The following ATP9B variants were observed in gnomAD, a reference collection of about 807,000 sequenced individuals.
ATP9B encodes the protein probable phospholipid-transporting ATPase IIB.
Under a neutral mutation model 146.1 loss-of-function variants are expected in ATP9B, and 110 were observed. That is an observed-to-expected ratio of 0.75 (90% CI 0.65 to 0.88). The LOEUF (loss-of-function observed/expected upper bound fraction) is 0.88, where lower values mean the gene tolerates loss of function less well. ATP9B is among the 40% of genes least tolerant of loss of function. The probability of loss-of-function intolerance (pLI) is 0.00; values close to 1 mark genes in which losing one functional copy is unlikely to be tolerated. For missense variants in ATP9B, 1,499 were observed against 1,496.4 expected, an observed-to-expected ratio of 1.00 and a Z score of -0.03; for synonymous variants, 604 against 569.7, an observed-to-expected ratio of 1.06 and a Z score of -0.86.
intron 15 of ATP9B, 173 bp downstream of exon 15, chr18:79,307,407 A>C (rs1269131711): frequency 1.0e-6 from 1 of 974,344 alleles, no homozygotes; most frequent in African/African-American, 1.6e-5. Context: ...GTAGCCTCTG[A>C]CGTAGCCTGG....
At chr18:79,273,968 G>A (rs941165950) in intron 12 of ATP9B, among the ~76,000 whole-genome samples, 2 of 152,066 alleles carry the variant, frequency 1.3e-5, no homozygotes, top group Non-Finnish European at 2.9e-5. Context: ...TTTTCATATT[G>A]CATAAAAGTC....
chr18:79,276,642 C>CT lies in ATP9B; in HGVS notation c.1269-411dup, dbSNP rs1377509596. Among the ~76,000 whole-genome samples the CT allele has an allele frequency of 5.3e-5, 8 of 152,356 alleles. No individual in the cohort carries two copies. The East Asian group carries it at 1.5e-3, about 29-fold the overall frequency. On this transcript the variant is annotated intron_variant, in intron 12 of 29. Coordinates refer to ENST00000426216, the MANE Select transcript of ATP9B (RefSeq NM_198531.5). ...CATATACGGGCACACTCACAACAGT[C>CT]TGTTTTTCTGTCCCATCTGGTGTTA...
At chr18:79,264,099 G>GA (rs899117905) in intron 12 of ATP9B, among the ~76,000 whole-genome samples, 13 of 149,974 alleles carry the variant, frequency 8.7e-5, no homozygotes, top group South Asian at 6.4e-4. Context: ...AAAAGAAAAG[G>GA]AAAAAAAAAC....
intron 23 of ATP9B, 133 bp from the exon 24 acceptor site, chr18:79,347,637 G>T: frequency 1.8e-6 from 2 of 1,112,350 alleles, no homozygotes; most frequent in Non-Finnish European, 2.5e-6. Flanking sequence ...CATCGACGGA[G>T]CTGAAGCTTT....
At chr18:79,135,607 C>T (rs2094438526) in intron 5 of ATP9B, among the ~76,000 whole-genome samples, 1 of 152,164 alleles carries the variant, frequency 6.6e-6, no homozygotes, top group Non-Finnish European at 1.5e-5. Context: ...ATTGACTTTG[C>T]ATCCTTTCTA....
intron 8 of ATP9B, among the ~76,000 whole-genome samples, chr18:79,180,999 CG>C (rs1353729934): frequency 1.3e-5 from 2 of 149,836 alleles, no homozygotes; most frequent in African/African-American, 2.5e-5. Context: ...TAAGTGGAGA[CG>C]GGGTTTCACC....
rs1568876164 is a variant in ATP9B, at chr18:79,376,209, ACACAC to A, written c.3307+784_3307+788del. The A allele has an allele frequency of 1.2e-3, 1,178 of 957,498 alleles. 1 individual carries two copies. Among genetic ancestry groups the A allele is most frequent in the Non-Finnish European group, 1.4e-3 (1,131 of 810,600 alleles). 59.3% of individuals were successfully genotyped at this position (957,498 alleles called of 1,614,324 possible). On this transcript the variant is annotated intron_variant, in intron 29 of 29. Transcript: ENST00000426216. ...CACACACACACACACACACACACAC[ACACAC>A]AAAACAAAACAAAAAAATGGCTAGC...
Position 79,198,129 on chromosome 18 carries a change from A to T in ATP9B, c.954+4866A>T, listed in dbSNP as rs558535534. Among the ~76,000 whole-genome samples the T allele has an allele frequency of 6.1e-4, 93 of 152,156 alleles. 1 individual carries two copies. The highest frequency in any genetic ancestry group is 1.2e-3 in the Non-Finnish European group (82 of 68,030). On this transcript the variant is annotated intron_variant, in intron 9 of 29. Transcript: ENST00000426216. Reference sequence around the variant, plus strand: ...TGTATATTCACTAATTACAATATGGAATTAGAAATAAATAAAAAATCTTTA... The same window carrying T: ...TGTATATTCACTAATTACAATATGGTATTAGAAATAAATAAAAAATCTTTA...
At chr18:79,302,744 C>T (rs1364668517) in intron 13 of ATP9B, among the ~76,000 whole-genome samples, 1 of 152,144 alleles carries the variant, frequency 6.6e-6, no homozygotes, top group African/African-American at 2.4e-5. Flanking sequence ...AAAAGCCATC[C>T]TATCTTTCAC....
intron 13 of ATP9B, among the ~76,000 whole-genome samples, chr18:79,297,482 T>C (rs952879399): frequency 6.6e-6 from 1 of 152,230 alleles, no homozygotes; most frequent in African/African-American, 2.4e-5. Flanking sequence ...ACTCAGTAAA[T>C]ATTAAATACA....
chr18:79,373,018 A>C lies in ATP9B; in HGVS notation c.3070+136A>C, dbSNP rs2097081504. The C allele has an allele frequency of 1.4e-5, 8 of 581,410 alleles. No homozygotes were observed. In the East Asian group the frequency reaches 2.1e-4, roughly 15 times the overall value. 36.0% of individuals were successfully genotyped at this position (581,410 alleles called of 1,614,324 possible). A position where few individuals can be genotyped will look rare whatever the true frequency, so the allele number is the denominator to read the frequency against. The stretch of plus-strand genomic sequence containing the variant: ...AGCAGTTAAATACTCCCTTCTGTTT[A>C]TCTTGTAAATCAATATTCCAGCAAC... On this transcript the variant is annotated intron_variant, in intron 27 of 29. Transcript: ENST00000426216.
intron 17 of ATP9B, among the ~76,000 whole-genome samples, chr18:79,336,407 G>A (rs982435898): frequency 6.6e-6 from 1 of 152,246 alleles, no homozygotes; most frequent in Non-Finnish European, 1.5e-5. Flanking sequence ...TCGAGTGAAG[G>A]GGTCAGTAGG....
intron 15 of ATP9B, among the ~76,000 whole-genome samples, chr18:79,311,151 CA>C (rs1036256861): frequency 3.3e-4 from 49 of 147,080 alleles, no homozygotes; most frequent in Admixed American, 8.1e-4. Flanking sequence ...GACTCAGTCT[CA>C]AAAAAAAGAA....
intron 9 of ATP9B, among the ~76,000 whole-genome samples, chr18:79,199,862 C>G (rs1033279040): frequency 2.0e-5 from 3 of 152,000 alleles, no homozygotes; most frequent in Non-Finnish European, 2.9e-5. Flanking sequence ...CACATTTTGT[C>G]CTGCTGGAAG....
intron 8 of ATP9B, among the ~76,000 whole-genome samples, chr18:79,179,071 TTTG>T (rs1404598657): frequency 3.3e-5 from 5 of 152,222 alleles, no homozygotes; most frequent in African/African-American, 4.8e-5. Flanking sequence ...TCATTGGAAA[TTTG>T]TGTTTTTCAG....
intron 11 of ATP9B, among the ~76,000 whole-genome samples, chr18:79,218,784 G>T (rs536182804): frequency 6.6e-6 from 1 of 152,212 alleles, no homozygotes; most frequent in Non-Finnish European, 1.5e-5. Flanking sequence ...AAGGCTTTGC[G>T]AGCGAGTGAT....
At chr18:79,276,842 T>TA (rs1239520031) in intron 12 of ATP9B, among the ~76,000 whole-genome samples, 2 of 152,244 alleles carry the variant, frequency 1.3e-5, no homozygotes, top group Non-Finnish European at 2.9e-5. Flanking sequence ...TATTAAAAAA[T>TA]ACGTGTATAT....
chr18:79,329,211 T>C lies in ATP9B; in HGVS notation c.1844T>C (p.Leu615Pro). ...AGCAGGGACCTCACCTCCATGCAGCTGAAGACCCCCAGTGGCCAGGTCCTC... is the reference window on the plus strand; with the variant it reads ...AGCAGGGACCTCACCTCCATGCAGCCGAAGACCCCCAGTGGCCAGGTCCTC... ...LVSRDLTSMQLKTPSGQVLSF... is the reference protein window; with the variant it reads ...LVSRDLTSMQPKTPSGQVLSF... Residue 615 changes from leucine to proline, a missense_variant, in exon 16 of 30, where the codon CTG becomes CCG. Transcript: ENST00000426216. 6.2e-7 allele frequency: 1 copy of C among 1,612,874 alleles called. No homozygotes were observed. Among genetic ancestry groups the C allele is most frequent in the Non-Finnish European group, 8.5e-7 (1 of 1,179,912 alleles).
chr18:79,377,386 G>T lies in ATP9B; in HGVS notation c.*3G>T. ...GCTACTGCAAGCTGGCCTCCTAAGG[G>T]GCTGTGCACCCCCAGCGGGCTGGCC... On this transcript the variant is annotated 3_prime_UTR_variant, in exon 30 of 30. Coordinates refer to ENST00000426216, the MANE Select transcript of ATP9B (RefSeq NM_198531.5). 1 of 1,606,646 alleles carries T rather than the reference G, an allele frequency of 6.2e-7. No homozygotes were observed.
Sources: allele counts gnomAD v4.1 joint callset (sites outside exome capture counted in the v4.1 genomes callset), GRCh38; gene constraint gnomAD v4.1.1; transcripts MANE v1.5; gene names NCBI Gene and HGNC (gene_info 2026-07-23, HGNC 2026-07-21).